The following GSG1L variants were observed in gnomAD, a reference collection of about 807,000 sequenced individuals.
GSG1L encodes the protein germ cell-specific gene 1-like protein.
Under a neutral mutation model 42.1 loss-of-function variants are expected in GSG1L, and 24 were observed. That is an observed-to-expected ratio of 0.57 (90% CI 0.41 to 0.80). The LOEUF (loss-of-function observed/expected upper bound fraction) is 0.80. Among genes scored for constraint, GSG1L ranks in the 30% least tolerant of loss-of-function variants. GSG1L has a pLI of 0.00. For synonymous variants in GSG1L, 215 were observed against 203.5 expected (o/e 1.06, Z -0.48); for missense variants, 445 against 472.2 (o/e 0.94, Z 0.53).
chr16:27,979,726 G>GAAA (rs2085300183), intron 1 of GSG1L, among the ~76,000 whole-genome samples: 2 of 53,584 alleles, frequency 3.7e-5, no homozygotes, highest in Admixed American at 2.4e-4. Flanking sequence ...AAGGAAGGAA[G>GAAA]GAAAGAAAAA....
intron 1 of GSG1L, among the ~76,000 whole-genome samples, chr16:28,041,596 C>T (rs1431133469): frequency 6.6e-6 from 1 of 152,210 alleles, no homozygotes; most frequent in Non-Finnish European, 1.5e-5. Context: ...CTACTCACAA[C>T]TTTTTGATAG....
intron 5 of GSG1L, among the ~76,000 whole-genome samples, chr16:27,812,476 C>A (rs184624418): frequency 8.3e-4 from 126 of 152,298 alleles, no homozygotes; most frequent in Non-Finnish European, 1.0e-3. Context: ...CAGACATAGA[C>A]GAGATGGAAA....
At chr16:27,992,222 C>T (rs2085464976) in intron 1 of GSG1L, among the ~76,000 whole-genome samples, 1 of 152,164 alleles carries the variant, frequency 6.6e-6, no homozygotes, top group Non-Finnish European at 1.5e-5. Flanking sequence ...TTCGGTTGGG[C>T]CCAGTGGCTC....
intron 1 of GSG1L, among the ~76,000 whole-genome samples, chr16:28,036,675 C>A (rs907671894): frequency 1.1e-4 from 17 of 152,258 alleles, no homozygotes; most frequent in Non-Finnish European, 2.1e-4. Flanking sequence ...TCTGGGAGAC[C>A]CAGCCAGGTA....
chr16:27,874,948 G>C (rs1433105062), intron 3 of GSG1L, among the ~76,000 whole-genome samples: 3 of 152,188 alleles, frequency 2.0e-5, no homozygotes, highest in Non-Finnish European at 4.4e-5. Context: ...CATTAAGCCT[G>C]TGGAGTGTGA....
intron 6 of GSG1L, among the ~76,000 whole-genome samples, chr16:27,806,900 A>G (rs958382039): frequency 1.3e-5 from 2 of 152,178 alleles, no homozygotes; most frequent in African/African-American, 4.8e-5. Context: ...AAAAGCCCTT[A>G]GTACAGAGTG....
intron 2 of GSG1L, among the ~76,000 whole-genome samples, chr16:27,915,434 G>A (rs1175488261): frequency 6.6e-6 from 1 of 152,148 alleles, no homozygotes; most frequent in African/African-American, 2.4e-5. Context: ...GACACACAGG[G>A]CAGGGCGCTG....
chr16:27,927,599 A>G (rs1026170250), intron 2 of GSG1L, among the ~76,000 whole-genome samples: 13 of 152,036 alleles, frequency 8.6e-5, no homozygotes, highest in African/African-American at 2.9e-4. Flanking sequence ...GCCTTTGTAC[A>G]TGCCAATCCC....
At chr16:27,998,824 C>G (rs2141141863) in intron 1 of GSG1L, among the ~76,000 whole-genome samples, 1 of 151,824 alleles carries the variant, frequency 6.6e-6, no homozygotes, top group African/African-American at 2.4e-5. Context: ...AAAAACAACC[C>G]AAGGCTTCAT....
At chr16:27,958,066 G>A (rs892524523) in intron 2 of GSG1L, among the ~76,000 whole-genome samples, 5 of 152,052 alleles carry the variant, frequency 3.3e-5, no homozygotes, top group African/African-American at 1.2e-4. Context: ...AGCATTGAAG[G>A]TCACATTTCA....
In GSG1L at chr16:27,884,628, C is replaced by T; in HGVS notation, c.408G>A (p.Trp136Ter). The T allele has an allele frequency of 6.3e-7, 1 of 1,584,764 alleles. No homozygotes were observed. Among genetic ancestry groups the T allele is most frequent in the Non-Finnish European group, 8.6e-7 (1 of 1,165,292 alleles). ...LAPASEKGVL[W>*]LSVVSEVLYI... ...ACAGCACCTCGGAGACCACAGACAG[C>T]CACAGGACCCCTGTCCAACAGAGGC... The change falls in exon 3 of 7, where the codon TGG becomes TGA. Residue 136 changes from tryptophan (W) to a stop codon, truncating the protein, a stop_gained. Transcript: ENST00000447459. LOFTEE classifies it high-confidence loss of function. The surrounding 1 kb of genome is among the most constrained non-coding windows in gnomAD (Gnocchi z 4.4).
chr16:27,841,005 T>C (rs1785740463), intron 4 of GSG1L, among the ~76,000 whole-genome samples: 1 of 152,100 alleles, frequency 6.6e-6, no homozygotes, highest in South Asian at 2.1e-4. Context: ...CCACCAAACG[T>C]AAGAACAAAT....
At chr16:27,872,499 T>C (rs1004877252) in intron 3 of GSG1L, among the ~76,000 whole-genome samples, 1 of 152,136 alleles carries the variant, frequency 6.6e-6, no homozygotes, top group Non-Finnish European at 1.5e-5. Context: ...AGTGACTCCA[T>C]CTTGACGAGG....
intron 3 of GSG1L, among the ~76,000 whole-genome samples, chr16:27,850,138 C>T (rs960479250): frequency 7.3e-6 from 1 of 136,330 alleles, no homozygotes; most frequent in Non-Finnish European, 1.5e-5. Flanking sequence ...AAGTGATTCT[C>T]CTGCCTCAGC....
rs568338136 is a variant in GSG1L at position 28,024,332 on chromosome 16, G to A, written c.349+38744C>T. Among the ~76,000 whole-genome samples the A allele has an allele frequency of 2.6e-5, 4 of 152,314 alleles. No individual in the cohort carries two copies. In the East Asian group the frequency reaches 5.8e-4, roughly 22 times the overall value. On this transcript the variant is annotated intron_variant, in intron 1 of 6. Coordinates refer to ENST00000447459, the MANE Select transcript of GSG1L (RefSeq NM_001109763.2). ...GAGGAAATTAGCTCGAAATGGAATC[G>A]ACAAGGTGCTGCCGCCAACTCCGAT...
chr16:27,908,724 A>G (rs1291042962), intron 2 of GSG1L, among the ~76,000 whole-genome samples: 3 of 152,112 alleles, frequency 2.0e-5, no homozygotes, highest in African/African-American at 7.2e-5. Flanking sequence ...AGCCCTCCTG[A>G]CCTAAACACT....
chr16:27,812,212 G>C (rs1221664161), intron 5 of GSG1L, among the ~76,000 whole-genome samples: 2 of 149,654 alleles, frequency 1.3e-5, no homozygotes, highest in African/African-American at 5.1e-5. Context: ...GCTGGGCTTG[G>C]GGACCACAGG....
chr16:28,056,049 G>C (rs1288269743), intron 1 of GSG1L, among the ~76,000 whole-genome samples: 2 of 152,146 alleles, frequency 1.3e-5, no homozygotes, highest in East Asian at 1.9e-4. Context: ...ACGGAGTAGA[G>C]AGCCCCGGCC....
At chr16:27,833,104 G>T (rs1378051758) in intron 4 of GSG1L, among the ~76,000 whole-genome samples, 1 of 152,046 alleles carries the variant, frequency 6.6e-6, no homozygotes, top group East Asian at 1.9e-4. Context: ...ACTTAAATCT[G>T]TGATCCATTT....
Sources: gnomAD v4.1 joint callset for allele counts (sites outside exome capture counted in the v4.1 genomes callset) on GRCh38, gnomAD v4.1.1 for gene constraint, Gnocchi (gnomAD v3.1) non-coding constraint, MANE v1.5 for transcripts, NCBI Gene and HGNC (gene_info 2026-07-23, HGNC 2026-07-21) for gene names.